Variants in ITIH6 observed in about 807,000 individuals in gnomAD.
ITIH6 encodes inter-alpha-trypsin inhibitor heavy chain H6.
ITIH6 carries 60 observed loss-of-function variants against 58.2 expected under a neutral mutation model. That is an observed-to-expected ratio of 1.03 (90% CI 0.84 to 1.28). The LOEUF (loss-of-function observed/expected upper bound fraction) is 1.28. Among genes scored for constraint, ITIH6 ranks in the 50% most tolerant of loss-of-function variants. The probability of loss-of-function intolerance (pLI) is 0.00; values close to 1 mark genes in which losing one functional copy is unlikely to be tolerated. For synonymous variants in ITIH6, 493 were observed against 417.4 expected (o/e 1.18, Z -2.21); for missense variants, 1,290 against 1,021.1 (o/e 1.26, Z -3.59).
chrX:54,751,039 C>T lies in ITIH6; in HGVS notation c.3694G>A (p.Gly1232Ser), dbSNP rs769966096. Residue 1232 changes from glycine to serine, a missense_variant, in exon 12 of 13, where the codon GGC becomes AGC. By Grantham distance (56) the Gly-to-Ser change is moderately conservative. Transcript: ENST00000218436. ...CGGGCTGAGGGGCTGAGGCCTGAGC[C>T]ATTGGCCACGTAGAACCCCAGGTGG... ...LPHLGFYVAN[G>S]SGLSPSARGL... 8 of 1,183,762 alleles carry T rather than the reference C, an allele frequency of 6.8e-6. No homozygotes were observed. In the Admixed American group the frequency reaches 1.2e-4, roughly 18 times the overall value.
Position 54,758,025 on chromosome X carries a change from A to G in ITIH6, c.2049T>C (p.Ser683=). The stretch of plus-strand genomic sequence containing the variant: ...CTCCCAATGGCTCCAGCTCTTTGGA[A>G]CTTAGCATCTTCTTGGTAGAGGCAG... ...TTTASTKKML[S]SKELEPLGES... is the part of the protein sequence containing the mutation. Residue 683 remains serine, a synonymous_variant, in exon 8 of 13, where the codon AGT becomes AGC. Transcript: ENST00000218436. 1 of 1,211,608 alleles carries G rather than the reference A, an allele frequency of 8.3e-7. No homozygotes were observed. Among genetic ancestry groups the G allele is most frequent in the Non-Finnish European group, 1.1e-6 (1 of 895,355 alleles).
chrX:54,750,737 G>A (rs1928335074), intron 12 of ITIH6, among the ~76,000 whole-genome samples: 1 of 111,347 alleles, frequency 9.0e-6, no homozygotes, highest in Admixed American at 9.5e-5. Flanking sequence ...CCTCCTCCAG[G>A]AAGTCCTTCT....
chrX:54,770,074 T>C (rs1298703268), intron 6 of ITIH6, among the ~76,000 whole-genome samples: 6 of 112,222 alleles, frequency 5.3e-5, no homozygotes, highest in Admixed American at 9.4e-5. Context: ...TGGGATATAG[T>C]CTCATGGTGC....
At chrX:54,790,778 T>G (rs1929330090) in intron 4 of ITIH6, 59 bp downstream of exon 4, 5 of 1,186,707 alleles carry the variant, frequency 4.2e-6, no homozygotes, top group Non-Finnish European at 5.7e-6. Flanking sequence ...GTGGAATCGA[T>G]AAGGTTTTCA....
At chrX:54,753,561 G>T (rs1928417408) in intron 11 of ITIH6, 90 bp downstream of exon 11, 1 of 609,066 alleles carries the variant, frequency 1.6e-6, no homozygotes, top group Non-Finnish European at 2.8e-6. Context: ...ATTGCTATGT[G>T]TCTGGGGTAT....
chrX:54,750,775 C>A (rs1473817819), intron 12 of ITIH6, among the ~76,000 whole-genome samples: 2 of 111,772 alleles, frequency 1.8e-5, no homozygotes, highest in Non-Finnish European at 3.8e-5. Context: ...CAAATTCCCC[C>A]ACTCTGGTTT....
rs752212820 is a variant in ITIH6, at chrX:54,758,240, G to T, written c.1834C>A (p.Gln612Lys). ...VTPLTSLVMVQPKQASEETRR... is the reference protein window; with the variant it reads ...VTPLTSLVMVKPKQASEETRR... ...GTCTCCTCACTGGCCTGTTTGGGTTGCACCATGACCAGTGAAGTCAGAGGT... is the reference window on the plus strand; with the variant it reads ...GTCTCCTCACTGGCCTGTTTGGGTTTCACCATGACCAGTGAAGTCAGAGGT... The change falls in exon 8 of 13, where the codon CAA becomes AAA. Residue 612 changes from glutamine to lysine, a missense_variant. Transcript: ENST00000218436. 15 of 1,209,202 alleles carry T rather than the reference G, an allele frequency of 1.2e-5. No homozygotes were observed. In the South Asian group the frequency reaches 2.5e-4, roughly 20 times the overall value.
intron 2 of ITIH6, among the ~76,000 whole-genome samples, chrX:54,795,256 C>T (rs1006531059): frequency 8.9e-6 from 1 of 111,978 alleles, no homozygotes; most frequent in Non-Finnish European, 1.9e-5. Flanking sequence ...GGAGACAAAT[C>T]GAAAGGGAGT....
At chrX:54,774,025 T>C (rs1192623144) in intron 6 of ITIH6, 56 bp downstream of exon 6, 2 of 727,547 alleles carry the variant, frequency 2.7e-6, no homozygotes, top group Non-Finnish European at 4.1e-6. Flanking sequence ...CCACGCTCTC[T>C]GCTTTCTGGG....
chrX:54,772,083 A>G (rs1928963270), intron 6 of ITIH6, among the ~76,000 whole-genome samples: 1 of 112,533 alleles, frequency 8.9e-6, no homozygotes, highest in Non-Finnish European at 1.9e-5. Context: ...AATAGCAAAG[A>G]CATGGAATCA....
At position 54,749,912 on chromosome X, in the gene ITIH6, G is replaced by C. The variant is rs1928316892; in HGVS notation, c.3925C>G (p.Leu1309Val). ...HVELLLGHPY[L>V]SYVL ...AGAAGCCATCACAGGACATAGGAGA[G>C]GTAGGGGTGGCCCAGAAGCAGCTCT... The change falls in exon 13 of 13, where the codon CTC becomes GTC. Residue 1309 changes from leucine (L) to valine (V), a missense_variant. By Grantham distance (32) the Leu-to-Val change is conservative. Transcript: ENST00000218436. 2.5e-6 allele frequency: 3 copies of C among 1,210,314 alleles called. No individual in the cohort carries two copies. The highest frequency in any genetic ancestry group is 3.4e-6 in the Non-Finnish European group (3 of 894,584).
chrX:54,760,754 A>G (rs1359303194), intron 6 of ITIH6, among the ~76,000 whole-genome samples: 4 of 111,361 alleles, frequency 3.6e-5, no homozygotes, highest in African/African-American at 9.8e-5. Context: ...ATGTCCCTAC[A>G]AAGGACATGA....
chrX:54,771,456 C>G (rs1032421296), intron 6 of ITIH6, among the ~76,000 whole-genome samples: 1 of 111,858 alleles, frequency 8.9e-6, no homozygotes, highest in African/African-American at 3.3e-5. Context: ...TTTACCCAAC[C>G]ATGTCCAGTC....
chrX:54,788,960 G>A (rs560547553), intron 4 of ITIH6, among the ~76,000 whole-genome samples: 2 of 112,496 alleles, frequency 1.8e-5, no homozygotes, highest in South Asian at 7.3e-4. Context: ...GCAACCTGGG[G>A]CCAAGTCTTT....
chrX:54,783,236 T>C (rs1482186294), intron 5 of ITIH6, among the ~76,000 whole-genome samples: 3 of 112,214 alleles, frequency 2.7e-5, no homozygotes, highest in Non-Finnish European at 5.6e-5. Flanking sequence ...AGTATCATAC[T>C]GAATGGGGAA....
chrX:54,774,035 G>T, intron 6 of ITIH6, 46 bp downstream of exon 6: 1 of 784,644 alleles, frequency 1.3e-6, no homozygotes, highest in Non-Finnish European at 1.9e-6. Flanking sequence ...TGCTTTCTGG[G>T]TCTTCTGATA....
At chrX:54,794,743 G>A (rs189480517) in intron 2 of ITIH6, among the ~76,000 whole-genome samples, 210 of 111,211 alleles carry the variant, frequency 1.9e-3, no homozygotes, top group African/African-American at 6.8e-3. Flanking sequence ...CAACTAACAG[G>A]GACAAGCGGG....
chrX:54,797,125 T>G (rs1929458323), intron 1 of ITIH6, 29 bp from the exon 2 acceptor site: 1 of 1,179,590 alleles, frequency 8.5e-7, no homozygotes. Context: ...GGAGGTGTTT[T>G]AGGTAGACTA....
In ITIH6 at chrX:54,757,257, C is replaced by T. The variant is rs1165112503; in HGVS notation, c.2817G>A (p.Arg939=). ...GGAGGAGGTCATACTGATGCCAGAACCTTCCAGGGGGCAGAGTGGGAGTAA... is the reference window on the plus strand; with the variant it reads ...GGAGGAGGTCATACTGATGCCAGAATCTTCCAGGGGGCAGAGTGGGAGTAA... ...MPFTPTLPPG[R]FWHQYDLLPG... is the part of the protein sequence containing the mutation. Residue 939 remains arginine (R), a synonymous_variant, in exon 8 of 13, where the codon AGG becomes AGA. Transcript: ENST00000218436. 1.7e-6 allele frequency: 2 copies of T among 1,189,135 alleles called. No homozygotes were observed. The highest frequency in any genetic ancestry group is 4.6e-5 in the Admixed American group (2 of 43,861).
Sources: gnomAD v4.1 joint callset for allele counts (sites outside exome capture counted in the v4.1 genomes callset) on GRCh38, gnomAD v4.1.1 for gene constraint, MANE v1.5 for transcripts, NCBI Gene and HGNC (gene_info 2026-07-23, HGNC 2026-07-21) for gene names.